The following DLG2 variants were observed in gnomAD, a reference collection of about 807,000 sequenced individuals.
The protein encoded by DLG2 is disks large homolog 2.
Under a neutral mutation model 132.5 loss-of-function variants are expected in DLG2, and 45 were observed. The observed-to-expected ratio is 0.34, with a 90% CI of 0.27 to 0.44. The LOEUF is 0.44. DLG2 is among the 20% of genes least tolerant of loss of function. The pLI is 1.00. For synonymous variants in DLG2, 424 were observed against 419.6 expected (o/e 1.01, Z -0.13); for missense variants, 1,045 against 1,196.9 (o/e 0.87, Z 1.87).
chr11:84,805,768 C>G (rs1476015608), intron 6 of DLG2, among the ~76,000 whole-genome samples: 2 of 152,160 alleles, frequency 1.3e-5, no homozygotes, highest in African/African-American at 4.8e-5. Flanking sequence ...GCTTCATATA[C>G]AGCCTGCAGA....
intron 7 of DLG2, among the ~76,000 whole-genome samples, chr11:84,284,500 A>G (rs77553216): frequency 2.0e-3 from 298 of 152,366 alleles, no homozygotes; most frequent in African/African-American, 6.9e-3. Context: ...AGTCTCTGGA[A>G]TCATATGCCC....
chr11:83,738,312 A>T (rs1226866248), intron 18 of DLG2, among the ~76,000 whole-genome samples: 1 of 152,122 alleles, frequency 6.6e-6, no homozygotes, highest in African/African-American at 2.4e-5. Context: ...TGGAGATAAT[A>T]TGATGTGCAG....
At chr11:83,748,559 A>G (rs933885150) in intron 18 of DLG2, among the ~76,000 whole-genome samples, 7 of 152,210 alleles carry the variant, frequency 4.6e-5, no homozygotes, top group African/African-American at 1.7e-4. Flanking sequence ...TGAGTACATG[A>G]CAATCACAGG....
chr11:83,585,997 C>A (rs917128699), intron 19 of DLG2, among the ~76,000 whole-genome samples: 1 of 152,218 alleles, frequency 6.6e-6, no homozygotes, highest in Non-Finnish European at 1.5e-5. Context: ...AGCCAACCTT[C>A]TCCTAGTGAA....
At chr11:83,520,003 A>G (rs2095422812) in intron 21 of DLG2, among the ~76,000 whole-genome samples, 1 of 152,190 alleles carries the variant, frequency 6.6e-6, no homozygotes, top group Non-Finnish European at 1.5e-5. Context: ...TATGGTATTA[A>G]TTCTTTGGGC....
At chr11:83,807,877 T>C (rs1315699037) in intron 17 of DLG2, among the ~76,000 whole-genome samples, 1 of 152,138 alleles carries the variant, frequency 6.6e-6, no homozygotes, top group Non-Finnish European at 1.5e-5. Flanking sequence ...ACGGTCTGTG[T>C]GGTGCACACA....
intron 26 of DLG2, among the ~76,000 whole-genome samples, chr11:83,465,997 T>C (rs2136227545): frequency 6.6e-6 from 1 of 152,334 alleles, no homozygotes; most frequent in Non-Finnish European, 1.5e-5. Context: ...GTCTGCCCAC[T>C]TTGTTTAATG....
chr11:85,064,160 C>A (rs1268090310), intron 6 of DLG2, among the ~76,000 whole-genome samples: 1 of 151,666 alleles, frequency 6.6e-6, no homozygotes, highest in East Asian at 1.9e-4. Context: ...AGAAATAATA[C>A]CAAATATTTT....
intron 19 of DLG2, among the ~76,000 whole-genome samples, chr11:83,616,933 T>C (rs1403263016): frequency 1.3e-5 from 2 of 152,216 alleles, no homozygotes; most frequent in African/African-American, 4.8e-5. Flanking sequence ...ATTTTACTTT[T>C]GTCATAAAAT....
intron 3 of DLG2, among the ~76,000 whole-genome samples, chr11:85,466,246 C>A (rs976081502): frequency 3.3e-5 from 5 of 152,096 alleles, no homozygotes; most frequent in African/African-American, 1.2e-4. Context: ...AAAATTTTCT[C>A]CCATTCTGTA....
In DLG2 at chr11:84,008,963, G is replaced by A. The variant is rs1234006484; in HGVS notation, c.920-28321C>T. On this transcript the variant is annotated intron_variant, in intron 11 of 27. Coordinates refer to ENST00000376104, the MANE Select transcript of DLG2 (RefSeq NM_001142699.3). Reference sequence around the variant, plus strand: ...TGTTGTTGTTTTTTGACCTAGAGTGGGAATCAAGCATGTACTACTCAAACT... The same window carrying A: ...TGTTGTTGTTTTTTGACCTAGAGTGAGAATCAAGCATGTACTACTCAAACT... Among the ~76,000 whole-genome samples, 22 of 150,676 alleles carry A rather than the reference G, an allele frequency of 1.5e-4. No homozygotes were observed. The Admixed American group carries it at 1.5e-3, about 10-fold the overall frequency.
intron 18 of DLG2, among the ~76,000 whole-genome samples, chr11:83,763,546 T>C (rs377241504): frequency 6.6e-6 from 1 of 152,242 alleles, no homozygotes; most frequent in Non-Finnish European, 1.5e-5. Flanking sequence ...ATCTCACTTA[T>C]GCCACATGTG....
intron 18 of DLG2, among the ~76,000 whole-genome samples, chr11:83,730,095 G>A (rs1202228467): frequency 6.7e-6 from 1 of 150,068 alleles, no homozygotes; most frequent in African/African-American, 2.5e-5. Context: ...TGCTACTCAG[G>A]GTCAATCATT....
At chr11:84,129,572 G>A (rs572592211) in intron 9 of DLG2, among the ~76,000 whole-genome samples, 5 of 152,206 alleles carry the variant, frequency 3.3e-5, no homozygotes, top group South Asian at 4.1e-4. Context: ...AAACAGCCAC[G>A]TCAGGCAGAA....
chr11:85,522,895 T>C (rs1406895367), intron 3 of DLG2, among the ~76,000 whole-genome samples: 1 of 152,164 alleles, frequency 6.6e-6, no homozygotes, highest in African/African-American at 2.4e-5. Flanking sequence ...AGATGAAACT[T>C]TGAACTTGAA....
chr11:85,174,045 A>G (rs1304903371), intron 4 of DLG2, among the ~76,000 whole-genome samples: 1 of 152,200 alleles, frequency 6.6e-6, no homozygotes, highest in African/African-American at 2.4e-5. Flanking sequence ...CCCTACTGTC[A>G]ATGTTAGACA....
intron 11 of DLG2, among the ~76,000 whole-genome samples, chr11:84,047,026 G>T (rs922065587): frequency 1.3e-5 from 2 of 151,566 alleles, no homozygotes; most frequent in South Asian, 2.1e-4. Flanking sequence ...AAATTTAACG[G>T]ACATTGGTCC....
intron 3 of DLG2, among the ~76,000 whole-genome samples, chr11:85,517,675 T>C (rs2094196058): frequency 6.6e-6 from 1 of 151,874 alleles, no homozygotes; most frequent in African/African-American, 2.4e-5. Context: ...AATGGCACAA[T>C]CATAGCTCGC....
At chr11:84,686,429 A>C (rs1242074653) in intron 6 of DLG2, among the ~76,000 whole-genome samples, 2 of 152,172 alleles carry the variant, frequency 1.3e-5, no homozygotes, top group Non-Finnish European at 2.9e-5. Context: ...TCCAAACAAC[A>C]ACCTGGATTT....
Sources: allele counts gnomAD v4.1 joint callset (sites outside exome capture counted in the v4.1 genomes callset), GRCh38; gene constraint gnomAD v4.1.1; transcripts MANE v1.5; gene names NCBI Gene and HGNC (gene_info 2026-07-23, HGNC 2026-07-21).